PACRG: variants seen among roughly 807,000 people sequenced by gnomAD.
The protein encoded by PACRG is parkin coregulated, also known as parkin coregulated gene protein.
PACRG carries 29 observed loss-of-function variants against 29.7 expected under a neutral mutation model. That is an observed-to-expected ratio of 0.98 (90% CI 0.73 to 1.33). The LOEUF is 1.33. Ranked by LOEUF, PACRG falls within the 40% of genes most tolerant of loss-of-function variation. PACRG has a pLI of 0.00. For synonymous variants in PACRG, 116 were observed against 118.7 expected (o/e 0.98, Z 0.15); for missense variants, 279 against 316.2 (o/e 0.88, Z 0.89).
intron 2 of PACRG, among the ~76,000 whole-genome samples, chr6:162,831,058 G>T (rs531669974): frequency 6.6e-6 from 1 of 152,214 alleles, no homozygotes; most frequent in South Asian, 2.1e-4. Context: ...GAATCCCATA[G>T]ATTATTGTTA....
chr6:163,022,213 A>G (rs965210767), intron 2 of PACRG, among the ~76,000 whole-genome samples: 1 of 152,236 alleles, frequency 6.6e-6, no homozygotes, highest in Non-Finnish European at 1.5e-5. Flanking sequence ...TATGTGCTCA[A>G]TAATATACAG....
At chr6:162,950,714 A>G (rs1158584238) in intron 2 of PACRG, among the ~76,000 whole-genome samples, 1 of 152,214 alleles carries the variant, frequency 6.6e-6, no homozygotes, top group African/African-American at 2.4e-5. Context: ...AAATACTACA[A>G]ATATCTAATT....
intron 4 of PACRG, among the ~76,000 whole-genome samples, chr6:163,166,894 C>T (rs1283633219): frequency 6.6e-6 from 1 of 152,204 alleles, no homozygotes; most frequent in Non-Finnish European, 1.5e-5. Flanking sequence ...ACCTAGTCCA[C>T]CGTAATGTCC....
chr6:163,270,195 C>T (rs558361024), intron 4 of PACRG, among the ~76,000 whole-genome samples: 1 of 152,136 alleles, frequency 6.6e-6, no homozygotes, highest in African/African-American at 2.4e-5. Flanking sequence ...TTTTATAAAG[C>T]GAGCATTTCA....
intron 4 of PACRG, chr6:163,190,871 T>C (rs1780180906): frequency 4.5e-6 from 2 of 448,748 alleles, no homozygotes; most frequent in African/African-American, 2.0e-5. Context: ...TGTCTATTGC[T>C]GATGATGTCC....
chr6:163,195,872 C>A (rs1258275848), intron 4 of PACRG, among the ~76,000 whole-genome samples: 3 of 152,206 alleles, frequency 2.0e-5, no homozygotes, highest in Non-Finnish European at 4.4e-5. Context: ...TCCGCTGGCT[C>A]CCCAGCATCT....
intron 2 of PACRG, among the ~76,000 whole-genome samples, chr6:163,029,746 G>A (rs778126134): frequency 6.6e-6 from 1 of 152,148 alleles, no homozygotes; most frequent in African/African-American, 2.4e-5. Flanking sequence ...CAGACCCTCT[G>A]CAGACTACAT....
chr6:163,170,407 T>G (rs1176130370), intron 4 of PACRG: 3 of 152,156 alleles, frequency 2.0e-5, no homozygotes, highest in Non-Finnish European at 4.4e-5. Context: ...GACTCACCCC[T>G]GCTGAACATC....
Position 162,754,614 on chromosome 6 carries a change from G to GT in PACRG, c.156+26234dup, listed in dbSNP as rs796664385. On this transcript the variant is annotated intron_variant, in intron 1 of 4. Coordinates refer to ENST00000366888, the MANE Select transcript of PACRG (RefSeq NM_001080379.2). ...TTACCCTTTCAGGTCTTATAGTTAA[G>GT]TTTTTTTTTTTATCTCTTTTGAGTG... Among the ~76,000 whole-genome samples the GT allele has an allele frequency of 4.3e-3, 633 of 146,506 alleles. 2 individuals carry two copies. The highest frequency in any genetic ancestry group is 0.012 in the African/African-American group (478 of 40,314).
intron 2 of PACRG, among the ~76,000 whole-genome samples, chr6:162,959,731 G>C (rs1298277908): frequency 6.6e-6 from 1 of 152,146 alleles, no homozygotes; most frequent in African/African-American, 2.4e-5. Flanking sequence ...ATTCATCCAG[G>C]AGAGAGATGG....
At position 163,175,105 on chromosome 6, in the gene PACRG, C is replaced by T. The variant is rs546932960; in HGVS notation, c.613+85697C>T. On this transcript the variant is annotated intron_variant, in intron 4 of 4. Transcript: ENST00000366888. ...TTATTTTAGCCTCTCATCCTGTTTCCTAACCCAGAACTCTATACCTCTCAG... is the reference window on the plus strand; with the variant it reads ...TTATTTTAGCCTCTCATCCTGTTTCTTAACCCAGAACTCTATACCTCTCAG... Among the ~76,000 whole-genome samples, 4 of 152,300 alleles carry T rather than the reference C, an allele frequency of 2.6e-5. No homozygotes were observed. In the South Asian group the frequency reaches 8.3e-4, roughly 32 times the overall value.
At chr6:162,787,853 T>A (rs1181133277) in intron 1 of PACRG, among the ~76,000 whole-genome samples, 5 of 151,536 alleles carry the variant, frequency 3.3e-5, no homozygotes, top group Non-Finnish European at 7.4e-5. Flanking sequence ...TTAAAGCTAG[T>A]CCAATGCCAG....
chr6:163,313,055 A>ATCTC lies in PACRG; in HGVS notation c.614-1754_614-1751dup, dbSNP rs149515340. On this transcript the variant is annotated intron_variant, in intron 4 of 4. Transcript: ENST00000366888. The stretch of plus-strand genomic sequence containing the variant: ...ACAGGCATGAGTCACTGTATCCAGC[A>ATCTC]TCTCTCTCTCTCTCTCTCTCTGTTC... 6.1e-5 allele frequency among the ~76,000 whole-genome samples: 9 copies of ATCTC among 147,930 alleles called. No individual in the cohort carries two copies. The South Asian group carries it at 6.5e-4, about 11-fold the overall frequency.
intron 4 of PACRG, among the ~76,000 whole-genome samples, chr6:163,119,712 A>AT (rs1343667542): frequency 1.3e-5 from 2 of 152,214 alleles, no homozygotes; most frequent in Non-Finnish European, 2.9e-5. Context: ...TTAATGTTGC[A>AT]TAAAAACCAC....
chr6:163,257,634 T>C (rs1439738917), intron 4 of PACRG, among the ~76,000 whole-genome samples: 2 of 152,242 alleles, frequency 1.3e-5, no homozygotes, highest in Non-Finnish European at 2.9e-5. Context: ...ATCTATTAAT[T>C]TGCTTGAGAC....
chr6:162,947,617 T>TATAATCATATATATATATAATC (rs1799296996), intron 2 of PACRG, among the ~76,000 whole-genome samples: 2 of 38,340 alleles, frequency 5.2e-5, no homozygotes, highest in Non-Finnish European at 9.5e-5. Context: ...TAATCATATA[T>TATAATCATATATATATATAATC]ATATATATAT....
intron 4 of PACRG, among the ~76,000 whole-genome samples, chr6:163,235,487 T>G (rs1344643597): frequency 2.0e-5 from 3 of 152,186 alleles, no homozygotes; most frequent in African/African-American, 7.2e-5. Context: ...TTCTTTTACT[T>G]GTGGAATATG....
Position 162,854,045 on chromosome 6 carries a change from G to A in PACRG, c.291+39764G>A, listed in dbSNP as rs191142921. ...TGAAGGAAATATATTACTAATCTAT[G>A]TCCATAAATTTTACTTCCCACATAT... On this transcript the variant is annotated intron_variant, in intron 2 of 4. Coordinates refer to ENST00000366888, the MANE Select transcript of PACRG (RefSeq NM_001080379.2). Among the ~76,000 whole-genome samples, 5 of 151,866 alleles carry A rather than the reference G, an allele frequency of 3.3e-5. No individual in the cohort carries two copies. The East Asian group carries it at 9.7e-4, about 29-fold the overall frequency.
intron 2 of PACRG, among the ~76,000 whole-genome samples, chr6:162,885,432 G>A (rs1305830931): frequency 1.3e-5 from 2 of 151,912 alleles, no homozygotes; most frequent in African/African-American, 4.8e-5. Flanking sequence ...ACAACACCTG[G>A]ATAGTTTTTG....
Sources: gnomAD v4.1 joint callset for allele counts (sites outside exome capture counted in the v4.1 genomes callset) on GRCh38, gnomAD v4.1.1 for gene constraint, MANE v1.5 for transcripts, NCBI Gene and HGNC (gene_info 2026-07-23, HGNC 2026-07-21) for gene names.